The following CFAP47 variants were observed in gnomAD, a reference collection of about 807,000 sequenced individuals.
The protein encoded by CFAP47 is cilia and flagella associated protein 47.
A neutral mutation model predicts 148.1 loss-of-function variants in CFAP47; 29 were observed. The ratio of observed to expected loss-of-function variants is 0.20; its 90% CI spans 0.15 to 0.27. CFAP47 has a LOEUF of 0.27. CFAP47 is among the 10% of genes least tolerant of loss of function. The pLI, the probability that CFAP47 is intolerant of heterozygous loss-of-function variation, is 1.00. For missense variants in CFAP47, 1,872 were observed against 1,697.5 expected (o/e 1.10, Z -1.81); for synonymous variants, 664 against 577.3 (o/e 1.15, Z -2.15).
intron 39 of CFAP47, among the ~76,000 whole-genome samples, chrX:36,169,917 G>A (rs1202770652): frequency 8.9e-6 from 1 of 111,845 alleles, no homozygotes; most frequent in African/African-American, 3.3e-5. Flanking sequence ...ACAAATTAAG[G>A]CTTGAAGTTT....
At chrX:35,933,528 G>A (rs781067496) in intron 2 of CFAP47, among the ~76,000 whole-genome samples, 1 of 112,029 alleles carries the variant, frequency 8.9e-6, no homozygotes, top group African/African-American at 3.2e-5. Flanking sequence ...CAATAAACAC[G>A]AGAGTGCAGA....
At chrX:36,119,508 G>A (rs1447232092) in intron 33 of CFAP47, among the ~76,000 whole-genome samples, 4 of 111,093 alleles carry the variant, frequency 3.6e-5, no homozygotes, top group African/African-American at 1.3e-4. Flanking sequence ...GAGATTTATT[G>A]GCCTGTAGTT....
intron 15 of CFAP47, among the ~76,000 whole-genome samples, chrX:35,988,196 A>G (rs1936743494): frequency 8.9e-6 from 1 of 111,741 alleles, no homozygotes; most frequent in East Asian, 2.8e-4. Context: ...GGCATTGTCA[A>G]CCTATTAAGA....
At chrX:36,097,308 G>GT (rs780307280) in intron 30 of CFAP47, among the ~76,000 whole-genome samples, 9 of 110,927 alleles carry the variant, frequency 8.1e-5, no homozygotes, top group South Asian at 3.7e-4. Flanking sequence ...TAATCTGTGG[G>GT]TTTTTTTGTG....
intron 21 of CFAP47, among the ~76,000 whole-genome samples, chrX:36,005,207 T>C (rs943559985): frequency 8.1e-5 from 9 of 111,402 alleles, no homozygotes; most frequent in African/African-American, 2.6e-4. Context: ...ATTTCCACTT[T>C]ATCTTTATTA....
At chrX:36,298,528 G>A (rs1351526270) in intron 51 of CFAP47, among the ~76,000 whole-genome samples, 2 of 106,459 alleles carry the variant, frequency 1.9e-5, no homozygotes, top group Non-Finnish European at 3.8e-5. Context: ...CCTGCACAAT[G>A]TGCACATGTA....
Position 36,343,987 on chromosome X carries a change from G to A in CFAP47, c.8444-4142G>A, listed in dbSNP as rs1481872091. On this transcript the variant is annotated intron_variant, in intron 57 of 63. Transcript: ENST00000378653. ...TTATGGCTGCATAGTATTCCATGGT[G>A]TATATGTGCCACATTTTCTTAATCC... Among the ~76,000 whole-genome samples the A allele has an allele frequency of 2.8e-5, 3 of 105,633 alleles. No individual in the cohort carries two copies. In the Admixed American group the frequency reaches 3.1e-4, roughly 11 times the overall value. 91.7% of individuals were successfully genotyped at this position (105,633 alleles called of 115,157 possible). A position where few individuals can be genotyped will look rare whatever the true frequency, so the allele number is the denominator to read the frequency against.
chrX:35,966,714 TA>T lies in CFAP47; in HGVS notation c.1563del (p.Ala522LeufsTer7). ...TATATTTAGCTTTCAACAGCATCTG[TA>T]AAGCTTCCACCAAGAAAGTTGTGAT... is the stretch of plus-strand genomic sequence containing the variant. ...HVYLAFNSICKASTKKVVMKF... is the reference protein window; with the variant it reads ...HVYLAFNSICXASTKKVVMKF... On this transcript the variant is annotated frameshift_variant, in exon 9 of 64. Transcript: ENST00000378653. LOFTEE classifies it high-confidence loss of function. 1 of 1,166,328 alleles carries T rather than the reference TA, an allele frequency of 8.6e-7. No homozygotes were observed. The highest frequency in any genetic ancestry group is 1.1e-6 in the Non-Finnish European group (1 of 870,587).
chrX:36,040,186 T>C (rs1937386405), intron 25 of CFAP47, among the ~76,000 whole-genome samples: 1 of 112,051 alleles, frequency 8.9e-6, no homozygotes, highest in Admixed American at 9.5e-5. Context: ...AGTATTAATT[T>C]CAAATGCAAT....
intron 45 of CFAP47, among the ~76,000 whole-genome samples, chrX:36,226,738 A>C (rs1940274393): frequency 9.0e-6 from 1 of 111,199 alleles, no homozygotes; most frequent in Non-Finnish European, 1.9e-5. Context: ...TAACTTTCAG[A>C]CTCAGCAATC....
At chrX:36,260,903 A>G (rs1940808985) in intron 49 of CFAP47, among the ~76,000 whole-genome samples, 1 of 111,318 alleles carries the variant, frequency 9.0e-6, no homozygotes, top group Admixed American at 9.5e-5. Flanking sequence ...GAAGGAGTAC[A>G]GTTTCAGTCT....
chrX:36,143,408 T>C (rs1939176930), intron 35 of CFAP47, among the ~76,000 whole-genome samples: 1 of 111,933 alleles, frequency 8.9e-6, no homozygotes, highest in Admixed American at 9.5e-5. Flanking sequence ...ACCTAGCACA[T>C]TGGGTCTCCT....
chrX:36,261,633 A>G (rs1341131851), intron 49 of CFAP47, among the ~76,000 whole-genome samples: 1 of 109,696 alleles, frequency 9.1e-6, no homozygotes, highest in Non-Finnish European at 1.9e-5. Flanking sequence ...CAGAGAGCAC[A>G]TGGTTGGGGG....
chrX:35,972,587 G>T (rs1297480530), intron 13 of CFAP47, among the ~76,000 whole-genome samples: 2 of 111,039 alleles, frequency 1.8e-5, no homozygotes, highest in African/African-American at 3.3e-5. Flanking sequence ...TTTCTATACA[G>T]TTGCCTATTC....
intron 40 of CFAP47, among the ~76,000 whole-genome samples, chrX:36,184,523 G>A (rs781839906): frequency 1.8e-5 from 2 of 111,959 alleles, no homozygotes; most frequent in South Asian, 7.5e-4. Context: ...GAGCTTAGGG[G>A]CTTCATCATT....
chrX:36,074,142 T>C (rs139211446), intron 29 of CFAP47, among the ~76,000 whole-genome samples: 3,438 of 112,097 alleles, frequency 0.031, 45 homozygotes, highest in Middle Eastern at 0.046. Flanking sequence ...CCTAGCTTCA[T>C]GGAATGAATT....
chrX:36,144,655 T>C (rs1359015591), intron 35 of CFAP47: 1 of 1,027,950 alleles, frequency 9.7e-7, no homozygotes, highest in Admixed American at 2.5e-5. Flanking sequence ...ACCATCCGAT[T>C]GGCTGTGGCA....
At chrX:36,251,964 C>T (rs1555998314) in intron 49 of CFAP47, among the ~76,000 whole-genome samples, 2 of 110,781 alleles carry the variant, frequency 1.8e-5, no homozygotes, top group Non-Finnish European at 3.8e-5. Flanking sequence ...ACATGGGAAT[C>T]GGAGGGAGAG....
chrX:35,968,928 T>A (rs1311276747), intron 10 of CFAP47, among the ~76,000 whole-genome samples: 2 of 110,466 alleles, frequency 1.8e-5, no homozygotes, highest in Non-Finnish European at 3.8e-5. Flanking sequence ...ATTTTTTATG[T>A]ACTTTTTTCA....
Sources: allele counts gnomAD v4.1 joint callset (sites outside exome capture counted in the v4.1 genomes callset), GRCh38; gene constraint gnomAD v4.1.1; transcripts MANE v1.5; gene names NCBI Gene and HGNC (gene_info 2026-07-23, HGNC 2026-07-21).